The following CTNNA2 variants were observed in gnomAD, a reference collection of about 807,000 sequenced individuals.
CTNNA2 encodes catenin alpha-2.
A neutral mutation model predicts 101.0 loss-of-function variants in CTNNA2; 42 were observed. The observed-to-expected ratio is 0.42, with a 90% confidence interval of 0.32 to 0.54. CTNNA2 has a LOEUF of 0.54. Among genes scored for constraint, CTNNA2 ranks in the 20% least tolerant of loss-of-function variants. The pLI is 0.14. For synonymous variants in CTNNA2, 450 were observed against 456.4 expected, an observed-to-expected ratio of 0.99 and a Z score of 0.18; for missense variants, 871 against 1,223.1, an observed-to-expected ratio of 0.71 and a Z score of 4.29.
intron 9 of CTNNA2, among the ~76,000 whole-genome samples, chr2:80,423,966 T>G (rs1406315252): frequency 6.6e-6 from 1 of 152,110 alleles, no homozygotes; most frequent in Non-Finnish European, 1.5e-5. Flanking sequence ...AACGTTCTTT[T>G]TTTTTTTGAG....
chr2:79,226,039 C>G (rs910507329), intron 2 of CTNNA2, among the ~76,000 whole-genome samples: 2 of 152,132 alleles, frequency 1.3e-5, no homozygotes, highest in African/African-American at 4.8e-5. Flanking sequence ...CAACTGAGTG[C>G]CAAAGTCTTA....
At chr2:80,635,344 G>C (rs915872510) in intron 18 of CTNNA2, among the ~76,000 whole-genome samples, 2 of 151,986 alleles carry the variant, frequency 1.3e-5, no homozygotes, top group African/African-American at 4.8e-5. Context: ...CCCATGGATC[G>C]ACTGCTCAAA....
chr2:79,450,805 G>A (rs1400279472), intron 4 of CTNNA2, among the ~76,000 whole-genome samples: 1 of 152,084 alleles, frequency 6.6e-6, no homozygotes, highest in Middle Eastern at 3.2e-3. Flanking sequence ...ACGTTGAAAT[G>A]AATGTGAGTT....
chr2:80,027,402 G>A (rs941038323), intron 7 of CTNNA2, among the ~76,000 whole-genome samples: 2 of 152,254 alleles, frequency 1.3e-5, no homozygotes, highest in Non-Finnish European at 2.9e-5. Context: ...CTTAAAGACT[G>A]TGGTTAGACA....
At chr2:79,814,609 A>ACG (rs1491401394) in intron 3 of CTNNA2, among the ~76,000 whole-genome samples, 1 of 38,752 alleles carries the variant, frequency 2.6e-5, no homozygotes, top group East Asian at 3.7e-3. Context: ...ATGTGTGTAT[A>ACG]CACACACACA....
intron 7 of CTNNA2, among the ~76,000 whole-genome samples, chr2:79,975,069 T>A (rs116460518): frequency 6.6e-6 from 1 of 152,144 alleles, no homozygotes; most frequent in Non-Finnish European, 1.5e-5. Flanking sequence ...TGTTTTCTCA[T>A]TTTCTGCCCT....
At chr2:79,330,549 G>A (rs1425315927) in intron 3 of CTNNA2, among the ~76,000 whole-genome samples, 2 of 152,266 alleles carry the variant, frequency 1.3e-5, no homozygotes, top group East Asian at 1.9e-4. Flanking sequence ...CTGGCTGGGT[G>A]ATATAGTTTG....
chr2:79,221,534 C>T (rs1674345290), intron 2 of CTNNA2, among the ~76,000 whole-genome samples: 1 of 152,058 alleles, frequency 6.6e-6, no homozygotes, highest in African/African-American at 2.4e-5. Context: ...ATATTTATCA[C>T]AGAAATGTTT....
intron 7 of CTNNA2, among the ~76,000 whole-genome samples, chr2:80,224,976 TC>T (rs1274681978): frequency 6.6e-6 from 1 of 152,134 alleles, no homozygotes; most frequent in East Asian, 1.9e-4. Context: ...TTAAGAAAAC[TC>T]AGCCTGCTGC....
rs189907767 is a variant in CTNNA2 at position 80,291,974 on chromosome 2, G to A, written c.1057-101237G>A. ...AAAGCTGGGAAGGAAGCCATGTGTA[G>A]TCTTTGCAACTCCAGACTTCACTGC... On this transcript the variant is annotated intron_variant, in intron 7 of 18. Transcript: ENST00000402739. 1.8e-3 allele frequency among the ~76,000 whole-genome samples: 271 copies of A among 152,324 alleles called. 1 individual carries two copies. Among genetic ancestry groups the A allele is most frequent in the African/African-American group, 6.3e-3 (262 of 41,580 alleles).
chr2:79,235,663 C>T (rs373245664), intron 2 of CTNNA2, among the ~76,000 whole-genome samples: 32 of 152,110 alleles, frequency 2.1e-4, no homozygotes, highest in African/African-American at 6.0e-4. Flanking sequence ...ATCAGTGATC[C>T]GAGAGTAAGG....
intron 14 of CTNNA2, among the ~76,000 whole-genome samples, chr2:80,587,760 A>G (rs113942226): frequency 6.6e-6 from 1 of 152,104 alleles, no homozygotes; most frequent in African/African-American, 2.4e-5. Flanking sequence ...CCCAAACTGT[A>G]CCCTCTTGGT....
At chr2:79,540,795 C>A (rs1673360372) in intron 1 of CTNNA2, among the ~76,000 whole-genome samples, 1 of 152,010 alleles carries the variant, frequency 6.6e-6, no homozygotes, top group Non-Finnish European at 1.5e-5. Context: ...TTTTTGGACA[C>A]CATTTAACTC....
chr2:80,072,378 T>A (rs1698403058), intron 7 of CTNNA2, among the ~76,000 whole-genome samples: 1 of 152,086 alleles, frequency 6.6e-6, no homozygotes, highest in Non-Finnish European at 1.5e-5. Flanking sequence ...GCCAGTTTCT[T>A]GGTGCTCAAC....
At chr2:79,332,043 T>TA (rs1676884763) in intron 3 of CTNNA2, among the ~76,000 whole-genome samples, 1 of 152,098 alleles carries the variant, frequency 6.6e-6, no homozygotes, top group Non-Finnish European at 1.5e-5. Flanking sequence ...GGGATCTTCA[T>TA]ACCACTGGCA....
chr2:79,629,171 C>T (rs1679522080), intron 1 of CTNNA2, among the ~76,000 whole-genome samples: 1 of 152,060 alleles, frequency 6.6e-6, no homozygotes. Context: ...AATCATTTTT[C>T]TCGAAGTTTT....
At chr2:80,495,801 A>G (rs11900287) in intron 9 of CTNNA2, among the ~76,000 whole-genome samples, 15,465 of 152,010 alleles carry the variant, frequency 0.1, 1,692 homozygotes, top group African/African-American at 0.27. Flanking sequence ...TTAGCCGGGC[A>G]TGGTGGCAGA....
At position 80,547,690 on chromosome 2, in the gene CTNNA2, C is replaced by CTTTTT. The variant is rs61186189; in HGVS notation, c.1540+1639_1540+1643dup. On this transcript the variant is annotated intron_variant, in intron 11 of 18. Transcript: ENST00000402739. The stretch of plus-strand genomic sequence containing the variant: ...AGAACTCAATATATTGTCACTTCTG[C>CTTTTT]TTTTTTTTTTTTTTTTGAGATGGAG... 1.1e-3 allele frequency among the ~76,000 whole-genome samples: 135 copies of CTTTTT among 124,298 alleles called. 10 individuals are homozygous for CTTTTT. Among genetic ancestry groups the CTTTTT allele is most frequent in the African/African-American group, 2.9e-3 (85 of 29,370 alleles). 81.5% of individuals were successfully genotyped at this position (124,298 alleles called of 152,430 possible).
chr2:79,696,638 C>T (rs530814424), intron 2 of CTNNA2, among the ~76,000 whole-genome samples: 66 of 152,124 alleles, frequency 4.3e-4, no homozygotes, highest in Non-Finnish European at 8.7e-4. Context: ...ATGCCCATCT[C>T]CTTCTTCCGC....
Sources: gnomAD v4.1 joint callset for allele counts (sites outside exome capture counted in the v4.1 genomes callset) on GRCh38, gnomAD v4.1.1 for gene constraint, MANE v1.5 for transcripts, NCBI Gene and HGNC (gene_info 2026-07-23, HGNC 2026-07-21) for gene names.